Variants in SCLT1 observed in about 807,000 individuals in gnomAD.
The protein encoded by SCLT1 is sodium channel-associated protein 1.
Under a neutral mutation model 112.8 loss-of-function variants are expected in SCLT1, and 78 were observed. That is an observed-to-expected ratio of 0.69 (90% CI 0.58 to 0.83). SCLT1 has a LOEUF of 0.83. SCLT1 is among the 40% of genes least tolerant of loss of function. The probability of loss-of-function intolerance (pLI) is 0.00; values close to 1 mark genes in which losing one functional copy is unlikely to be tolerated. For synonymous variants in SCLT1, 257 were observed against 254.7 expected, an observed-to-expected ratio of 1.01 and a Z score of -0.09; for missense variants, 747 against 770.4, an observed-to-expected ratio of 0.97 and a Z score of 0.36.
intron 5 of SCLT1, among the ~76,000 whole-genome samples, chr4:129,026,491 T>C (rs1359374758): frequency 1.3e-5 from 2 of 152,060 alleles, no homozygotes; most frequent in South Asian, 2.1e-4. Context: ...AAAGATGTTC[T>C]TTGAAACCAA....
intron 18 of SCLT1, among the ~76,000 whole-genome samples, chr4:128,908,846 C>A (rs750881779): frequency 6.6e-6 from 1 of 152,166 alleles, no homozygotes; most frequent in African/African-American, 2.4e-5. Flanking sequence ...CAGGAAACCA[C>A]GTGTTAAAGA....
At chr4:128,896,785 A>T (rs901497659) in intron 18 of SCLT1, among the ~76,000 whole-genome samples, 1 of 152,214 alleles carries the variant, frequency 6.6e-6, no homozygotes, top group African/African-American at 2.4e-5. Flanking sequence ...AAAAAAAATT[A>T]GACAAATGGC....
chr4:128,898,059 C>T (rs318524), intron 18 of SCLT1, among the ~76,000 whole-genome samples: 110,360 of 151,884 alleles, frequency 0.73, 40,405 homozygotes, highest in African/African-American at 0.82. Flanking sequence ...CTTAGACTCC[C>T]GCACAATAAT....
chr4:129,047,831 A>G (rs1241209687), intron 2 of SCLT1, among the ~76,000 whole-genome samples: 1 of 151,674 alleles, frequency 6.6e-6, no homozygotes, highest in Non-Finnish European at 1.5e-5. Flanking sequence ...TTTTAATTAG[A>G]TTCTTCTTTT....
chr4:128,890,929 A>T (rs1000169448), intron 19 of SCLT1, 130 bp downstream of exon 19: 1 of 610,916 alleles, frequency 1.6e-6, no homozygotes, highest in Admixed American at 3.2e-5. Flanking sequence ...GTGGGCTTTT[A>T]GGGTTATGGA....
intron 9 of SCLT1, among the ~76,000 whole-genome samples, chr4:128,984,014 GA>G (rs999634301): frequency 4.6e-5 from 7 of 152,146 alleles, no homozygotes; most frequent in African/African-American, 1.7e-4. Flanking sequence ...TCTGTGGCAG[GA>G]AAAGCAAGTA....
chr4:128,962,756 C>T (rs1454399201), intron 11 of SCLT1, among the ~76,000 whole-genome samples: 1 of 152,146 alleles, frequency 6.6e-6, no homozygotes, highest in Admixed American at 6.5e-5. Flanking sequence ...CATTAATGAG[C>T]ATTCTCCCTA....
intron 18 of SCLT1, among the ~76,000 whole-genome samples, chr4:128,896,013 C>G (rs1733723593): frequency 6.6e-6 from 1 of 152,256 alleles, no homozygotes; most frequent in African/African-American, 2.4e-5. Flanking sequence ...ATTGCCAAAG[C>G]TTGAGTAGGT....
intron 2 of SCLT1, among the ~76,000 whole-genome samples, chr4:129,063,146 A>G (rs886301982): frequency 2.0e-5 from 3 of 152,180 alleles, no homozygotes; most frequent in Admixed American, 2.0e-4. Context: ...ATTTCTTCTA[A>G]TTGATCAAGT....
intron 10 of SCLT1, among the ~76,000 whole-genome samples, chr4:128,969,262 A>G (rs1369085611): frequency 6.6e-6 from 1 of 152,108 alleles, no homozygotes; most frequent in Non-Finnish European, 1.5e-5. Context: ...TCTTGCTGCC[A>G]GTATTTCTTC....
chr4:129,092,917 C>G (rs1386512581), intron 1 of SCLT1, among the ~76,000 whole-genome samples, 153 bp downstream of exon 1: 1 of 152,126 alleles, frequency 6.6e-6, no homozygotes, highest in Non-Finnish European at 1.5e-5. Context: ...CACATCCTCA[C>G]GTATAACATC....
chr4:129,049,645 C>T lies in SCLT1; in HGVS notation c.103-5594G>A, dbSNP rs148301671. Among the ~76,000 whole-genome samples, 789 of 148,286 alleles carry T rather than the reference C, an allele frequency of 5.3e-3. 9 individuals carry two copies. The highest frequency in any genetic ancestry group is 0.017 in the African/African-American group (705 of 40,458). Reference sequence around the variant, plus strand: ...AAAGTATAAAAAAAAAAAAAAGAGACGGGGTGATTTATTTTTGGCATATGG... The same window carrying T: ...AAAGTATAAAAAAAAAAAAAAGAGATGGGGTGATTTATTTTTGGCATATGG... On this transcript the variant is annotated intron_variant, in intron 2 of 20. Transcript: ENST00000281142.
At chr4:128,960,197 G>C (rs1027681069) in intron 11 of SCLT1, among the ~76,000 whole-genome samples, 2 of 151,894 alleles carry the variant, frequency 1.3e-5, no homozygotes, top group Admixed American at 1.3e-4. Flanking sequence ...TCTCTACCCA[G>C]ACAAGCTATG....
chr4:129,047,640 C>G (rs1748310470), intron 2 of SCLT1, among the ~76,000 whole-genome samples: 1 of 152,118 alleles, frequency 6.6e-6, no homozygotes, highest in Non-Finnish European at 1.5e-5. Context: ...CACATCCTCA[C>G]CAGCATCCAT....
At chr4:128,991,809 T>G (rs1579620252) in intron 9 of SCLT1, among the ~76,000 whole-genome samples, 1 of 151,742 alleles carries the variant, frequency 6.6e-6, no homozygotes, top group East Asian at 1.9e-4. Flanking sequence ...AATAAAAATT[T>G]TTAAACAATA....
At chr4:128,996,073 T>C (rs1316816025) in intron 8 of SCLT1, among the ~76,000 whole-genome samples, 1 of 151,896 alleles carries the variant, frequency 6.6e-6, no homozygotes, top group East Asian at 1.9e-4. Flanking sequence ...CCTAATCCCT[T>C]CCCTCCCCTG....
intron 5 of SCLT1, among the ~76,000 whole-genome samples, chr4:129,018,293 G>T (rs1745161549): frequency 6.6e-6 from 1 of 152,192 alleles, no homozygotes; most frequent in African/African-American, 2.4e-5. Context: ...CATATTAAAA[G>T]GAAGGTGCAA....
chr4:129,083,702 A>T (rs562430610), intron 1 of SCLT1, among the ~76,000 whole-genome samples: 1 of 152,162 alleles, frequency 6.6e-6, no homozygotes, highest in East Asian at 1.9e-4. Context: ...GAGGAATTAC[A>T]AAATAAATTT....
intron 10 of SCLT1, among the ~76,000 whole-genome samples, chr4:128,969,301 G>T (rs576462861): frequency 4.6e-5 from 7 of 152,042 alleles, no homozygotes; most frequent in Admixed American, 1.3e-4. Flanking sequence ...GGCCGGGCGC[G>T]GTGGCTCACA....
Sources: gnomAD v4.1 joint callset for allele counts (sites outside exome capture counted in the v4.1 genomes callset) on GRCh38, gnomAD v4.1.1 for gene constraint, MANE v1.5 for transcripts, NCBI Gene and HGNC (gene_info 2026-07-23, HGNC 2026-07-21) for gene names.